QTMAN: variants seen among roughly 807,000 people sequenced by gnomAD.
The protein encoded by QTMAN is queuosine-tRNA mannosyltransferase.
At chr2:144,083,104 C>T in the QTMAN span, among the ~76,000 whole-genome samples, 1 of 152,168 alleles carries the variant, frequency 6.6e-6, no homozygotes, top group South Asian at 2.1e-4. Flanking sequence ...CTTGGATCTA[C>T]ACACAGAACC....
chr2:144,228,488 T>C, the QTMAN span, among the ~76,000 whole-genome samples: 1 of 152,222 alleles, frequency 6.6e-6, no homozygotes, highest in Non-Finnish European at 1.5e-5. Flanking sequence ...AACATTTTTC[T>C]ATAGTATGGT....
chr2:143,970,648 G>T, the QTMAN span: 1 of 1,453,338 alleles, frequency 6.9e-7, no homozygotes, highest in Non-Finnish European at 9.7e-7. Context: ...ATTCAACAGA[G>T]GTACCTGGGA....
chr2:143,984,288 C>T, the QTMAN span, among the ~76,000 whole-genome samples: 8 of 152,026 alleles, frequency 5.3e-5, no homozygotes, highest in African/African-American at 1.9e-4. Flanking sequence ...TATCAAAAAC[C>T]CTAAATCACA....
At chr2:144,225,885 T>C in the QTMAN span, among the ~76,000 whole-genome samples, 2 of 152,318 alleles carry the variant, frequency 1.3e-5, no homozygotes, top group Non-Finnish European at 1.5e-5. Flanking sequence ...CCCAATCAGA[T>C]CTCAATTCCT....
the QTMAN span, chr2:143,938,139 G>A: frequency 6.6e-6 from 1 of 152,320 alleles, no homozygotes; most frequent in African/African-American, 2.4e-5. Context: ...AAGGGGAAAA[G>A]CCAAGACGAT....
the QTMAN span, among the ~76,000 whole-genome samples, chr2:144,174,725 C>T: frequency 1.3e-5 from 2 of 152,144 alleles, no homozygotes; most frequent in African/African-American, 2.4e-5. Flanking sequence ...AAGGGCAGTT[C>T]CCTAACACAC....
At chr2:143,994,208 A>G in the QTMAN span, among the ~76,000 whole-genome samples, 1 of 152,222 alleles carries the variant, frequency 6.6e-6, no homozygotes, top group Non-Finnish European at 1.5e-5. Flanking sequence ...GATAATCAAG[A>G]GTTGACTATA....
chr2:144,271,170 T>C, the QTMAN span, among the ~76,000 whole-genome samples: 3 of 152,178 alleles, frequency 2.0e-5, no homozygotes, highest in Admixed American at 2.0e-4. Context: ...AGTGTAAAGA[T>C]TTCTTTATGT....
the QTMAN span, among the ~76,000 whole-genome samples, chr2:144,206,292 G>T: frequency 6.6e-6 from 1 of 152,092 alleles, no homozygotes; most frequent in Non-Finnish European, 1.5e-5. Flanking sequence ...TACAAAAAGA[G>T]TAACAACTGG....
At chr2:144,154,071 C>CA in the QTMAN span, among the ~76,000 whole-genome samples, 1 of 152,124 alleles carries the variant, frequency 6.6e-6, no homozygotes, top group African/African-American at 2.4e-5. Context: ...GTATGTGACT[C>CA]AGTGTTTTTG....
At chr2:143,981,007 C>A in the QTMAN span, among the ~76,000 whole-genome samples, 1 of 152,208 alleles carries the variant, frequency 6.6e-6, no homozygotes, top group Non-Finnish European at 1.5e-5. Flanking sequence ...TTCTTCTCTG[C>A]CACTCCTTGT....
At chr2:143,952,232 T>A in the QTMAN span, among the ~76,000 whole-genome samples, 63 of 151,722 alleles carry the variant, frequency 4.2e-4, no homozygotes, top group Non-Finnish European at 7.7e-4. Context: ...CTCACAAGGA[T>A]GTTTAATGCT....
chr2:144,298,437 T>C, the QTMAN span, among the ~76,000 whole-genome samples: 3 of 152,344 alleles, frequency 2.0e-5, no homozygotes, highest in South Asian at 2.1e-4. Flanking sequence ...TGGCTAAATG[T>C]TAATAACTGG....
the QTMAN span, among the ~76,000 whole-genome samples, chr2:144,131,088 G>A: frequency 1.3e-5 from 2 of 151,906 alleles, no homozygotes; most frequent in African/African-American, 2.4e-5. Context: ...AATTTGAGCA[G>A]TATCAAGTAT....
the QTMAN span, among the ~76,000 whole-genome samples, chr2:144,314,503 G>A: frequency 6.6e-6 from 1 of 152,118 alleles, no homozygotes; most frequent in East Asian, 1.9e-4. Context: ...ATGAGGTCAG[G>A]AGATCGAGAC....
the QTMAN span, among the ~76,000 whole-genome samples, chr2:144,305,942 C>T: frequency 2.4e-3 from 371 of 152,282 alleles, 1 homozygote; most frequent in African/African-American, 7.8e-3. Context: ...AATTCTAATA[C>T]ATTTTGGTGA....
At chr2:144,085,273 C>T in the QTMAN span, among the ~76,000 whole-genome samples, 2 of 152,184 alleles carry the variant, frequency 1.3e-5, no homozygotes, top group South Asian at 2.1e-4. Context: ...CATAGTTTTC[C>T]GAACTCTGTC....
chr2:144,243,687 A>G, the QTMAN span, among the ~76,000 whole-genome samples: 1 of 152,216 alleles, frequency 6.6e-6, no homozygotes, highest in African/African-American at 2.4e-5. Flanking sequence ...AAAGGCATCC[A>G]AGTACTTTAA....
chr2:144,173,992 T>A, the QTMAN span, among the ~76,000 whole-genome samples: 21 of 152,156 alleles, frequency 1.4e-4, no homozygotes, highest in Non-Finnish European at 2.6e-4. Flanking sequence ...CAGAAGCAGA[T>A]GTTGGGGGAA....
Sources: gnomAD v4.1 joint callset for allele counts (sites outside exome capture counted in the v4.1 genomes callset) on GRCh38, gnomAD v4.1.1 for gene constraint, MANE v1.5 for transcripts, NCBI Gene and HGNC (gene_info 2026-07-23, HGNC 2026-07-21) for gene names.